The following CSMD2 variants were observed in gnomAD, a reference collection of about 807,000 sequenced individuals.
The protein encoded by CSMD2 is CUB and sushi domain-containing protein 2.
Under a neutral mutation model 398.5 loss-of-function variants are expected in CSMD2, and 130 were observed. That is an observed-to-expected ratio of 0.33 (90% CI 0.28 to 0.38). The LOEUF (loss-of-function observed/expected upper bound fraction) is 0.38. Among genes scored for constraint, CSMD2 ranks in the 10% least tolerant of loss-of-function variants. The pLI is 1.00. For missense variants in CSMD2, 3,829 were observed against 4,764.9 expected, an observed-to-expected ratio of 0.80 and a Z score of 5.78; for synonymous variants, 1,828 against 1,908.5, an observed-to-expected ratio of 0.96 and a Z score of 1.10.
chr1:33,870,407 G>C (rs1216909600), intron 5 of CSMD2: 1 of 152,150 alleles, frequency 6.6e-6, no homozygotes, highest in African/African-American at 2.4e-5. Context: ...AGGGCCCAAA[G>C]GGGATACGAC....
At chr1:33,871,089 G>A (rs1218562494) in intron 5 of CSMD2, 1 of 152,168 alleles carries the variant, frequency 6.6e-6, no homozygotes, top group Non-Finnish European at 1.5e-5. Flanking sequence ...CCTTGTGACG[G>A]ACTCAGCTAA....
chr1:33,787,769 G>A (rs1272451382), intron 12 of CSMD2, among the ~76,000 whole-genome samples: 2 of 152,132 alleles, frequency 1.3e-5, no homozygotes, highest in African/African-American at 4.8e-5. Context: ...TTGGCCAAAG[G>A]GGGTTTGGAA....
chr1:34,124,887 G>A (rs890627278), intron 1 of CSMD2, among the ~76,000 whole-genome samples: 1 of 152,136 alleles, frequency 6.6e-6, no homozygotes, highest in African/African-American at 2.4e-5. Flanking sequence ...TCATCTCTGT[G>A]GAGAAACCCA....
intron 3 of CSMD2, among the ~76,000 whole-genome samples, chr1:33,971,535 C>A (rs987626402): frequency 2.6e-5 from 4 of 152,242 alleles, no homozygotes; most frequent in African/African-American, 9.6e-5. Flanking sequence ...CTTTTCTGTG[C>A]TGTGCGTGGG....
chr1:33,744,567 A>G (rs569456736), intron 13 of CSMD2, among the ~76,000 whole-genome samples: 7 of 152,336 alleles, frequency 4.6e-5, no homozygotes, highest in African/African-American at 1.7e-4. Context: ...ATAGGCAAAG[A>G]AAGTGCTGTA....
Position 33,741,483 on chromosome 1 carries a change from G to T in CSMD2, c.2173+1797C>A, listed in dbSNP as rs533554623. Among the ~76,000 whole-genome samples, 9 of 152,208 alleles carry T rather than the reference G, an allele frequency of 5.9e-5. 1 individual carries two copies. In the South Asian group the frequency reaches 1.9e-3, roughly 32 times the overall value. On this transcript the variant is annotated intron_variant, in intron 14 of 70. Coordinates refer to ENST00000373381, the MANE Select transcript of CSMD2 (RefSeq NM_001281956.2). ...TCTAATTCAGCAGGTCTAGGATGCG[G>T]CCCAGATTTTTAAAAATTATTTCTA...
chr1:33,868,435 CAATT>C (rs1427177515), intron 5 of CSMD2, among the ~76,000 whole-genome samples: 1 of 151,974 alleles, frequency 6.6e-6, no homozygotes, highest in Non-Finnish European at 1.5e-5. Context: ...GAGAGACAGA[CAATT>C]AAAAAAACAA....
chr1:33,517,009 A>T (rs1463859922), intron 70 of CSMD2, among the ~76,000 whole-genome samples: 2 of 152,028 alleles, frequency 1.3e-5, no homozygotes, highest in Non-Finnish European at 2.9e-5. Flanking sequence ...CATTTTTGAT[A>T]CTTTTTTTTA....
intron 15 of CSMD2, among the ~76,000 whole-genome samples, chr1:33,733,648 A>G (rs1339751436): frequency 3.9e-5 from 6 of 152,264 alleles, no homozygotes; most frequent in Non-Finnish European, 8.8e-5. Context: ...AGTTTCCCCC[A>G]TGCTGCTGTC....
intron 2 of CSMD2, 51 bp from the exon 3 acceptor site, chr1:34,032,757 A>C (rs375990806): frequency 5.4e-6 from 7 of 1,287,942 alleles, no homozygotes; most frequent in Admixed American, 2.0e-5. Flanking sequence ...GGGAAACTAC[A>C]CATCCACGAA....
chr1:33,626,438 TAAGAACCGAGA>T (rs755000566), intron 33 of CSMD2, 37 bp downstream of exon 33: 130 of 1,382,456 alleles, frequency 9.4e-5, no homozygotes, highest in Non-Finnish European at 1.3e-4. Context: ...ACGAGTCCCT[TAAGAACCGAGA>T]TCACCTTCCT....
chr1:34,017,242 T>C (rs1648258841), intron 3 of CSMD2, among the ~76,000 whole-genome samples: 1 of 152,234 alleles, frequency 6.6e-6, no homozygotes, highest in South Asian at 2.1e-4. Context: ...GATTCTTGGC[T>C]GAAATTCACC....
chr1:33,878,525 C>T (rs535810220), intron 5 of CSMD2, among the ~76,000 whole-genome samples: 5 of 152,362 alleles, frequency 3.3e-5, no homozygotes, highest in Non-Finnish European at 7.3e-5. Context: ...TGTGACACAG[C>T]ACAGCCATCT....
intron 1 of CSMD2, among the ~76,000 whole-genome samples, chr1:34,159,337 C>A (rs116365434): frequency 3.3e-5 from 3 of 91,548 alleles, no homozygotes; most frequent in Admixed American, 9.2e-5. Context: ...TGCCCCCCCC[C>A]CACCCAGGAG....
At chr1:33,756,494 A>T (rs1649038705) in intron 13 of CSMD2, among the ~76,000 whole-genome samples, 1 of 152,200 alleles carries the variant, frequency 6.6e-6, no homozygotes, top group South Asian at 2.1e-4. Context: ...CTGTCTGAGG[A>T]GGTGGCCTTT....
chr1:33,549,659 C>T (rs1570698295), intron 56 of CSMD2, among the ~76,000 whole-genome samples: 1 of 152,130 alleles, frequency 6.6e-6, no homozygotes, highest in South Asian at 2.1e-4. Context: ...GAAGACTGTA[C>T]CCCACTAGGT....
At chr1:33,600,279 G>T in intron 44 of CSMD2, 1 of 655,978 alleles carries the variant, frequency 1.5e-6, no homozygotes, top group South Asian at 1.8e-5. Context: ...CCATAGATAG[G>T]CACAAGTCCA....
chr1:33,979,173 G>T (rs1341088133), intron 3 of CSMD2, among the ~76,000 whole-genome samples: 1 of 152,028 alleles, frequency 6.6e-6, no homozygotes. Flanking sequence ...GGTTCTCCTT[G>T]CCCACCCCAT....
At chr1:34,027,840 CTGGGCAGACAGCCCTACA>C (rs6143184) in intron 3 of CSMD2, among the ~76,000 whole-genome samples, 136,236 of 151,536 alleles carry the variant, frequency 0.9, 61,950 homozygotes, top group Non-Finnish European at 0.97. Context: ...GAGGCTAGAC[CTGGGCAGACAGCCCTACA>C]TGGGCAGACA....
Sources: allele counts gnomAD v4.1 joint callset (sites outside exome capture counted in the v4.1 genomes callset), GRCh38; gene constraint gnomAD v4.1.1; transcripts MANE v1.5; gene names NCBI Gene and HGNC (gene_info 2026-07-23, HGNC 2026-07-21).